MYBL2: variants seen among roughly 807,000 people sequenced by gnomAD.
MYBL2 encodes the protein myb-related protein B.
A neutral mutation model predicts 79.9 loss-of-function variants in MYBL2; 28 were observed. The ratio of observed to expected loss-of-function variants is 0.35; its 90% CI spans 0.26 to 0.48. The LOEUF (loss-of-function observed/expected upper bound fraction) is 0.48, where lower values mean the gene tolerates loss of function less well. MYBL2 is among the 20% of genes least tolerant of loss of function. The pLI, the probability that MYBL2 is intolerant of heterozygous loss-of-function variation, is 0.99. For synonymous variants in MYBL2, 378 were observed against 361.2 expected, an observed-to-expected ratio of 1.05 and a Z score of -0.53; for missense variants, 735 against 893.9, an observed-to-expected ratio of 0.82 and a Z score of 2.27.
At chr20:43,682,511 G>A (rs73911003) in intron 3 of MYBL2, among the ~76,000 whole-genome samples, 1,765 of 152,350 alleles carry the variant, frequency 0.012, 26 homozygotes, top group African/African-American at 0.032. Flanking sequence ...GGTCCCTGAC[G>A]TACAAGGAAT....
At chr20:43,684,548 T>C (rs1388092971) in intron 4 of MYBL2, among the ~76,000 whole-genome samples, 43 of 151,464 alleles carry the variant, frequency 2.8e-4, no homozygotes, top group Admixed American at 2.8e-3. Flanking sequence ...TTTTTTTTTT[T>C]TTTAATTTGT....
intron 5 of MYBL2, among the ~76,000 whole-genome samples, chr20:43,689,439 C>T (rs1987354455): frequency 6.6e-6 from 1 of 152,156 alleles, no homozygotes; most frequent in African/African-American, 2.4e-5. Context: ...GTCACTTGTG[C>T]TTACTCGGTG....
rs1356717952 is a variant in MYBL2 at position 43,716,143 on chromosome 20, G to C, written c.*56G>C. On this transcript the variant is annotated 3_prime_UTR_variant, in exon 14 of 14. Coordinates refer to ENST00000217026, the MANE Select transcript of MYBL2 (RefSeq NM_002466.4). ...TGTTTACAGGGGTTGTGGGGGCAGA[G>C]GGGGTCTGTGAATCTGAGAGTCATT... 1 of 1,593,014 alleles carries C rather than the reference G, an allele frequency of 6.3e-7. No homozygotes were observed. The highest frequency in any genetic ancestry group is 8.5e-7 in the Non-Finnish European group (1 of 1,177,248).
intron 12 of MYBL2, 47 bp downstream of exon 12, chr20:43,713,153 C>A: frequency 7.0e-7 from 1 of 1,421,650 alleles, no homozygotes; most frequent in South Asian, 1.2e-5. Context: ...AGAGGACCCT[C>A]AAGGTGGAGT....
At chr20:43,690,756 G>GT (rs1240406006) in intron 5 of MYBL2, among the ~76,000 whole-genome samples, 3 of 152,066 alleles carry the variant, frequency 2.0e-5, no homozygotes, top group Admixed American at 1.3e-4. Flanking sequence ...CAGTACCTTT[G>GT]TATTTTTAGT....
In MYBL2 at chr20:43,699,950, C is replaced by G. The variant is rs150899100; in HGVS notation, c.857C>G (p.Thr286Arg). 6 of 1,614,152 alleles carry G rather than the reference C, an allele frequency of 3.7e-6. No homozygotes were observed. The Admixed American group carries it at 1.0e-4, about 27-fold the overall frequency. ...REDQEGSPPE[T>R]SLPYKWVVEA... ...GACCAGGAAGGCTCCCCACCAGAAA[C>G]GAGCCTGCCTTACAAGTGGGTGGTG... The change falls in exon 7 of 14, where the codon ACG becomes AGG. Residue 286 changes from threonine (T) to arginine (R), a missense_variant. Physicochemically the swap from Thr to Arg is moderately conservative, Grantham distance 71. Transcript: ENST00000217026.
chr20:43,710,851 A>G (rs1987889014), intron 10 of MYBL2, among the ~76,000 whole-genome samples: 1 of 152,110 alleles, frequency 6.6e-6, no homozygotes, highest in Non-Finnish European at 1.5e-5. Flanking sequence ...TGCAGTGGAG[A>G]TTTGGCTCCT....
chr20:43,708,379 G>A (rs1359687171), intron 9 of MYBL2, among the ~76,000 whole-genome samples: 1 of 151,974 alleles, frequency 6.6e-6, no homozygotes, highest in African/African-American at 2.4e-5. Context: ...GCATTACAGG[G>A]GTGAGCCACA....
intron 4 of MYBL2, 75 bp downstream of exon 4, chr20:43,682,961 T>C: frequency 1.4e-6 from 2 of 1,416,932 alleles, no homozygotes; most frequent in Admixed American, 3.4e-5. Flanking sequence ...GAGATTGCCT[T>C]GTGTTGGGGT....
intron 6 of MYBL2, among the ~76,000 whole-genome samples, chr20:43,695,535 G>A (rs1212182046): frequency 6.6e-6 from 1 of 152,164 alleles, no homozygotes; most frequent in Non-Finnish European, 1.5e-5. Flanking sequence ...TCCTAGAGAT[G>A]GACAAATATA....
In MYBL2 at chr20:43,702,851, G is replaced by T. The variant is rs562055772; in HGVS notation, c.1313G>T (p.Ser438Ile). ...TSLSFLDSCN[S>I]LTPKSTPVKT... is the part of the protein sequence containing the mutation. Reference sequence around the variant, plus strand: ...CTGTCCTTCCTGGATTCCTGTAACAGCCTCACGCCCAAGAGCACACCTGTT... The same window carrying T: ...CTGTCCTTCCTGGATTCCTGTAACATCCTCACGCCCAAGAGCACACCTGTT... Residue 438 changes from serine to isoleucine, a missense_variant, in exon 8 of 14, where the codon AGC becomes ATC. Physicochemically the swap from Ser to Ile is moderately radical, Grantham distance 142. Transcript: ENST00000217026. 2 of 1,612,418 alleles carry T rather than the reference G, an allele frequency of 1.2e-6. No individual in the cohort carries two copies. The highest frequency in any genetic ancestry group is 1.7e-5 in the Admixed American group (1 of 59,976).
At chr20:43,715,373 G>T in intron 13 of MYBL2, 90 bp downstream of exon 13, 1 of 1,575,086 alleles carries the variant, frequency 6.3e-7, no homozygotes, top group Non-Finnish European at 8.6e-7. Flanking sequence ...GTCCTGCAGT[G>T]CCCGCCTTCT....
intron 9 of MYBL2, among the ~76,000 whole-genome samples, chr20:43,708,930 C>G (rs1325004098): frequency 1.3e-5 from 2 of 152,212 alleles, no homozygotes; most frequent in Admixed American, 6.5e-5. Context: ...AGAGGGGGAT[C>G]TCTGTGTGTC....
At chr20:43,667,988 C>A (rs1986760648) in intron 1 of MYBL2, among the ~76,000 whole-genome samples, 1 of 151,986 alleles carries the variant, frequency 6.6e-6, no homozygotes, top group Non-Finnish European at 1.5e-5. Context: ...AAGGCAGGAA[C>A]TGCGGTCTCC....
chr20:43,682,118 T>C (rs1295101192), intron 3 of MYBL2, among the ~76,000 whole-genome samples: 1 of 152,242 alleles, frequency 6.6e-6, no homozygotes, highest in Non-Finnish European at 1.5e-5. Context: ...ATGTGGTGCA[T>C]ATTTGCATTT....
Position 43,696,107 on chromosome 20 carries a change from A to T in MYBL2, c.664-3650A>T, listed in dbSNP as rs143904292. Reference sequence around the variant, plus strand: ...TTAATTCGTGTATGGGACCACTCCCAACTTCTCCACTCACTGGTCAGTGCT... The same window carrying T: ...TTAATTCGTGTATGGGACCACTCCCTACTTCTCCACTCACTGGTCAGTGCT... On this transcript the variant is annotated intron_variant, in intron 6 of 13. Transcript: ENST00000217026. Among the ~76,000 whole-genome samples, 309 of 152,310 alleles carry T rather than the reference A, an allele frequency of 2.0e-3. 3 individuals are homozygous for T. Among genetic ancestry groups the T allele is most frequent in the African/African-American group, 7.0e-3 (293 of 41,574 alleles).
chr20:43,711,522 AGGT>A lies in MYBL2; in HGVS notation c.1642_1644del (p.Val548del). On this transcript the variant is annotated inframe_deletion, in exon 11 of 14. Coordinates refer to ENST00000217026, the MANE Select transcript of MYBL2 (RefSeq NM_002466.4). ...CCGCACCTGGAGGAGGACTTGAAGG[AGGT>A]GCTGCGTTCTGAGGCTGGCATCGAA... 6.2e-7 allele frequency: 1 copy of A among 1,613,676 alleles called. No individual in the cohort carries two copies.
intron 4 of MYBL2, among the ~76,000 whole-genome samples, chr20:43,685,138 A>G (rs1286517383): frequency 1.4e-5 from 1 of 73,252 alleles, no homozygotes; most frequent in Non-Finnish European, 3.1e-5. Context: ...CAGGAGCGAA[A>G]CTCTGTCTCA....
At chr20:43,689,028 G>A (rs570359315) in intron 5 of MYBL2, among the ~76,000 whole-genome samples, 1 of 151,966 alleles carries the variant, frequency 6.6e-6, no homozygotes. Context: ...GACCTCAGGT[G>A]ATCTGCCTGC....
Sources: gnomAD v4.1 joint callset for allele counts (sites outside exome capture counted in the v4.1 genomes callset) on GRCh38, gnomAD v4.1.1 for gene constraint, MANE v1.5 for transcripts, NCBI Gene and HGNC (gene_info 2026-07-23, HGNC 2026-07-21) for gene names.